FOXP2: variants seen among roughly 807,000 people sequenced by gnomAD.
The protein encoded by FOXP2 is forkhead box protein P2.
A neutral mutation model predicts 115.8 loss-of-function variants in FOXP2; 12 were observed. The ratio of observed to expected loss-of-function variants is 0.10; its 90% CI spans 0.07 to 0.17. The LOEUF (loss-of-function observed/expected upper bound fraction) is 0.17, where lower values mean the gene tolerates loss of function less well. Ranked by LOEUF, FOXP2 falls within the 10% of genes least tolerant of loss-of-function variation. FOXP2 has a pLI of 1.00. For missense variants in FOXP2, 629 were observed against 843.5 expected (o/e 0.75, Z 3.15); for synonymous variants, 328 against 297.7 (o/e 1.10, Z -1.05).
chr7:114,117,882 C>T (rs2129143182), intron 1 of FOXP2, among the ~76,000 whole-genome samples: 1 of 152,214 alleles, frequency 6.6e-6, no homozygotes, highest in Middle Eastern at 3.4e-3. Flanking sequence ...CTCATTGTAT[C>T]CTCACATGGC....
At chr7:114,230,498 A>G (rs754736257) in intron 1 of FOXP2, among the ~76,000 whole-genome samples, 1 of 152,022 alleles carries the variant, frequency 6.6e-6, no homozygotes, top group Non-Finnish European at 1.5e-5. Context: ...ACTGAATTCA[A>G]CAGCACATTA....
intron 2 of FOXP2, among the ~76,000 whole-genome samples, chr7:114,492,186 A>C (rs963989015): frequency 8.5e-5 from 13 of 152,086 alleles, no homozygotes; most frequent in Non-Finnish European, 1.6e-4. Context: ...TAGATTTTCT[A>C]GTTTATTTGC....
At chr7:114,638,861 T>C (rs1805370153) in intron 6 of FOXP2, among the ~76,000 whole-genome samples, 1 of 152,184 alleles carries the variant, frequency 6.6e-6, no homozygotes, top group African/African-American at 2.4e-5. Context: ...TTATCTATTA[T>C]ATAATTTAAC....
At chr7:114,167,804 C>T (rs1015474923) in intron 1 of FOXP2, among the ~76,000 whole-genome samples, 5 of 151,710 alleles carry the variant, frequency 3.3e-5, no homozygotes, top group Non-Finnish European at 5.9e-5. Flanking sequence ...GGCCTGGTGG[C>T]GGGTGCCTGT....
At chr7:114,108,638 C>T (rs1400657457) in intron 1 of FOXP2, among the ~76,000 whole-genome samples, 1 of 151,798 alleles carries the variant, frequency 6.6e-6, no homozygotes, top group Non-Finnish European at 1.5e-5. Context: ...TTTAAGATAA[C>T]CTTTTTACAT....
chr7:114,319,364 A>G (rs1797354809), intron 2 of FOXP2, among the ~76,000 whole-genome samples: 1 of 152,212 alleles, frequency 6.6e-6, no homozygotes, highest in African/African-American at 2.4e-5. Context: ...CCACAATAGA[A>G]AAACAAGACT....
intron 1 of FOXP2, among the ~76,000 whole-genome samples, chr7:114,106,736 G>T (rs1490165891): frequency 6.6e-6 from 1 of 151,892 alleles, no homozygotes; most frequent in Non-Finnish European, 1.5e-5. Flanking sequence ...TTTGTTTGTG[G>T]TATTTGCAAG....
At chr7:114,152,306 A>G (rs1004064322) in intron 1 of FOXP2, among the ~76,000 whole-genome samples, 1 of 152,166 alleles carries the variant, frequency 6.6e-6, no homozygotes, top group Non-Finnish European at 1.5e-5. Context: ...AAAATAGTCT[A>G]TTATGTACAC....
chr7:114,573,341 TC>T (rs1296878466), intron 3 of FOXP2, among the ~76,000 whole-genome samples: 1 of 151,822 alleles, frequency 6.6e-6, no homozygotes, highest in Non-Finnish European at 1.5e-5. Flanking sequence ...ACTATATTAT[TC>T]ATAATTGACA....
At chr7:114,428,800 C>T (rs1249680040) in intron 2 of FOXP2, among the ~76,000 whole-genome samples, 1 of 151,280 alleles carries the variant, frequency 6.6e-6, no homozygotes, top group African/African-American at 2.4e-5. Flanking sequence ...CTAACATTCG[C>T]TATATTTCAA....
chr7:114,109,647 T>G (rs1470875217), intron 1 of FOXP2, among the ~76,000 whole-genome samples: 3 of 152,120 alleles, frequency 2.0e-5, no homozygotes, highest in African/African-American at 7.2e-5. Flanking sequence ...TAATCATAAA[T>G]GTAAGTCAAT....
chr7:114,228,502 G>A (rs989185597), intron 1 of FOXP2, among the ~76,000 whole-genome samples: 18 of 151,896 alleles, frequency 1.2e-4, no homozygotes, highest in Admixed American at 1.3e-4. Flanking sequence ...TTTTAGGAAT[G>A]TTTGATTTCA....
chr7:114,117,232 T>C (rs1052159067), intron 1 of FOXP2, among the ~76,000 whole-genome samples: 33 of 151,688 alleles, frequency 2.2e-4, no homozygotes, highest in Non-Finnish European at 4.4e-4. Context: ...TACTTTTTTT[T>C]TTTTTTTGAA....
At chr7:114,339,227 T>G (rs1791133701) in intron 2 of FOXP2, among the ~76,000 whole-genome samples, 1 of 151,352 alleles carries the variant, frequency 6.6e-6, no homozygotes, top group Non-Finnish European at 1.5e-5. Flanking sequence ...GTTTGAAGTT[T>G]ATAAACTAAG....
At chr7:114,134,253 G>A (rs1791964138) in intron 1 of FOXP2, among the ~76,000 whole-genome samples, 1 of 152,098 alleles carries the variant, frequency 6.6e-6, no homozygotes, top group African/African-American at 2.4e-5. Context: ...ATCTCAGAGG[G>A]GGTTCAAGAG....
At chr7:114,140,634 G>A (rs1424187288) in intron 1 of FOXP2, among the ~76,000 whole-genome samples, 5 of 152,224 alleles carry the variant, frequency 3.3e-5, no homozygotes, top group Non-Finnish European at 7.3e-5. Context: ...TAACTAGGCT[G>A]TTACAGTTAA....
Position 114,668,995 on chromosome 7 carries a change from T to C in FOXP2, c.2003+4559T>C, listed in dbSNP as rs559257248. The C allele has an allele frequency of 7.2e-5, 11 of 152,222 alleles. No homozygotes were observed. The South Asian group carries it at 2.3e-3, about 32-fold the overall frequency. The allele number at this position is 152,222 out of a possible 1,614,324, so 9.4% of individuals were successfully genotyped here. A position where few individuals can be genotyped will look rare whatever the true frequency, so the allele number is the denominator to read the frequency against. The stretch of plus-strand genomic sequence containing the variant: ...TGAGTAAATATAATGTTCATTTTTA[T>C]GTGGGAGCTAGGAAAATTTTCTAAA... On this transcript the variant is annotated intron_variant, in intron 16 of 16. Coordinates refer to ENST00000350908, the MANE Select transcript of FOXP2 (RefSeq NM_014491.4).
chr7:114,554,294 G>T (rs1209993896), intron 3 of FOXP2, among the ~76,000 whole-genome samples: 2 of 152,062 alleles, frequency 1.3e-5, no homozygotes, highest in African/African-American at 4.8e-5. Flanking sequence ...TTAAGAACAG[G>T]TGTAGAAAAC....
chr7:114,378,960 C>T (rs184204633), intron 2 of FOXP2, among the ~76,000 whole-genome samples: 19 of 151,818 alleles, frequency 1.3e-4, no homozygotes, highest in Non-Finnish European at 2.8e-4. Context: ...GTATAATATA[C>T]AGCCCTTTAA....
Sources: allele counts gnomAD v4.1 joint callset (sites outside exome capture counted in the v4.1 genomes callset), GRCh38; gene constraint gnomAD v4.1.1; transcripts MANE v1.5; gene names NCBI Gene and HGNC (gene_info 2026-07-23, HGNC 2026-07-21).